Variants in UNC79 observed in about 807,000 individuals in gnomAD.
The protein encoded by UNC79 is unc-79 subunit of NALCN channel complex.
In UNC79, 37 loss-of-function variants were observed where a neutral mutation model predicts 283.1. The ratio of observed to expected loss-of-function variants is 0.13; its 90% confidence interval spans 0.10 to 0.17. UNC79 has a LOEUF of 0.17. UNC79 is among the 10% of genes least tolerant of loss of function. The pLI is 1.00. For missense variants in UNC79, 2,272 were observed against 3,211.1 expected (o/e 0.71, Z 7.07); for synonymous variants, 1,107 against 1,200.2 (o/e 0.92, Z 1.61).
In UNC79 at chr14:93,672,907, C is replaced by T. The variant is rs2073014832; in HGVS notation, c.6637-444C>T. Among the ~76,000 whole-genome samples the T allele has an allele frequency of 4.6e-5, 7 of 152,152 alleles. No individual in the cohort carries two copies. The South Asian group carries it at 1.4e-3, about 31-fold the overall frequency. On this transcript the variant is annotated intron_variant, in intron 40 of 48. Coordinates refer to ENST00000555664, the Ensembl canonical transcript of UNC79. ...AGGGTGGTAGGTGCATACTGTATTCCATTCTCTCCATTTTTCTGGATGCTT... is the reference window on the plus strand; with the variant it reads ...AGGGTGGTAGGTGCATACTGTATTCTATTCTCTCCATTTTTCTGGATGCTT...
chr14:93,558,444 T>A (rs1330657185), intron 14 of UNC79, among the ~76,000 whole-genome samples: 1 of 151,442 alleles, frequency 6.6e-6, no homozygotes, highest in Non-Finnish European at 1.5e-5. Context: ...TAGTCCCAGC[T>A]ACTCAGGAGG....
chr14:93,496,503 C>G (rs748641184), intron 6 of UNC79, 37 bp downstream of exon 6: 1 of 1,431,750 alleles, frequency 7.0e-7, no homozygotes, highest in African/African-American at 1.5e-5. Flanking sequence ...TAGTCACAAA[C>G]TTAATTTGTA....
intron 22 of UNC79, among the ~76,000 whole-genome samples, chr14:93,592,606 G>A (rs148497925): frequency 1.4e-4 from 21 of 152,150 alleles, no homozygotes; most frequent in African/African-American, 4.8e-4. Context: ...AAGTGGACCT[G>A]TACAGTTCAA....
intron 34 of UNC79, 25 bp downstream of exon 37, chr14:93,643,722 T>C (rs2069288038): frequency 1.2e-6 from 2 of 1,610,706 alleles, no homozygotes; most frequent in African/African-American, 2.7e-5. Context: ...CTGTTTTGTT[T>C]GGTAGGAAGG....
intron 33 of UNC79, among the ~76,000 whole-genome samples, chr14:93,643,355 C>G (rs575196137): frequency 1.3e-5 from 2 of 152,128 alleles, no homozygotes; most frequent in Admixed American, 6.5e-5. Context: ...GAGGCACCTT[C>G]GTGGTCTCTA....
chr14:93,480,977 C>T lies in UNC79; in HGVS notation c.619+3249C>T, dbSNP rs75923083. 3.1e-3 allele frequency among the ~76,000 whole-genome samples: 470 copies of T among 152,234 alleles called. 2 individuals are homozygous for T. Among genetic ancestry groups the T allele is most frequent in the Admixed American group, 7.6e-3 (116 of 15,298 alleles). ...CTTTTCAGGTATAAAATGATTCTATCCTTAAGGACCTAGAAGATAAAGTTC... is the reference window on the plus strand; with the variant it reads ...CTTTTCAGGTATAAAATGATTCTATTCTTAAGGACCTAGAAGATAAAGTTC... On this transcript the variant is annotated intron_variant, in intron 4 of 48. Coordinates refer to ENST00000555664, the Ensembl canonical transcript of UNC79.
At chr14:93,519,551 T>G (rs973185660) in intron 7 of UNC79, among the ~76,000 whole-genome samples, 5 of 151,876 alleles carry the variant, frequency 3.3e-5, no homozygotes, top group Non-Finnish European at 1.5e-5. Context: ...TGGTATGAAT[T>G]GAAGCCTATC....
At chr14:93,670,746 G>T (rs1379775194) in intron 40 of UNC79, among the ~76,000 whole-genome samples, 1 of 152,198 alleles carries the variant, frequency 6.6e-6, no homozygotes, top group East Asian at 1.9e-4. Context: ...GGGTGGGGCT[G>T]ATAGCCCCAA....
chr14:93,390,755 ATATAC>A (rs974062460), intron 1 of UNC79, among the ~76,000 whole-genome samples: 1 of 152,180 alleles, frequency 6.6e-6, no homozygotes, highest in African/African-American at 2.4e-5. Flanking sequence ...CTATGAAAAG[ATATAC>A]TATACTTCTA....
intron 1 of UNC79, among the ~76,000 whole-genome samples, chr14:93,338,920 A>C (rs2053640856): frequency 1.3e-5 from 2 of 152,170 alleles, no homozygotes; most frequent in South Asian, 2.1e-4. Flanking sequence ...AACAAACAAA[A>C]AAAACTTCAG....
chr14:93,404,868 G>A (rs913561265), intron 1 of UNC79, among the ~76,000 whole-genome samples: 1 of 151,758 alleles, frequency 6.6e-6, no homozygotes. Flanking sequence ...TATTATATAC[G>A]AAGCCAACTC....
At chr14:93,423,097 G>C (rs1272053467) in intron 1 of UNC79, among the ~76,000 whole-genome samples, 1 of 120,692 alleles carries the variant, frequency 8.3e-6, no homozygotes. Context: ...AAAAAGAAAA[G>C]AAGTCAAGAA....
At chr14:93,584,691 A>AT (rs1197102172) in intron 20 of UNC79, among the ~76,000 whole-genome samples, 1 of 152,040 alleles carries the variant, frequency 6.6e-6, no homozygotes, top group Non-Finnish European at 1.5e-5. Context: ...AAATTAAGCA[A>AT]TTTCTTTTTT....
At chr14:93,533,768 T>A (rs2060937113) in intron 11 of UNC79, among the ~76,000 whole-genome samples, 1 of 152,184 alleles carries the variant, frequency 6.6e-6, no homozygotes, top group African/African-American at 2.4e-5. Flanking sequence ...AGGATCTTTG[T>A]GGTTATTGAA....
At position 93,621,811 on chromosome 14, in the gene UNC79, T is replaced by G. The variant is rs748357979; in HGVS notation, c.4578T>G (p.Cys1526Trp). 1.3e-5 allele frequency: 21 copies of G among 1,613,944 alleles called. No homozygotes were observed. The highest frequency in any genetic ancestry group is 1.7e-5 in the Non-Finnish European group (20 of 1,180,016). The change falls in exon 30 of 49, where the codon TGT (cysteine) becomes TGG (tryptophan). Residue 1526 changes from cysteine (C) to tryptophan (W), a missense_variant. By Grantham distance (215) the Cys-to-Trp change is radical (BLOSUM62 -2). Coordinates refer to ENST00000555664, the Ensembl canonical transcript of UNC79. The surrounding 1 kb of genome is among the most constrained non-coding windows in gnomAD (Gnocchi z 4.8). ...GTAGGAAGTCGTGCATAGATCGGTG[T>G]GACATAGAGAAGCCTCCGACCCAAG...
chr14:93,692,522 AC>A, intron 46 of UNC79, among the ~76,000 whole-genome samples: 1 of 152,312 alleles, frequency 6.6e-6, no homozygotes, highest in East Asian at 1.9e-4. Flanking sequence ...ATTTAGAAAA[AC>A]CTTAGCCAAT....
Position 93,690,213 on chromosome 14 carries a change from C to T in UNC79, c.7182C>T (p.Ser2394=). 6.2e-7 allele frequency: 1 copy of T among 1,614,184 alleles called. No homozygotes were observed. Among genetic ancestry groups the T allele is most frequent in the Non-Finnish European group, 8.5e-7 (1 of 1,180,040 alleles). ...ACAATGCAGTGTGCCCAAATGCCTC[C>T]TCTCCCTGCCTGCCCATTCCTCTGG... is the stretch of plus-strand genomic sequence containing the variant. Residue 2394 remains serine (S), a synonymous_variant, in exon 45 of 49, where the codon TCC becomes TCT. Coordinates refer to ENST00000555664, the Ensembl canonical transcript of UNC79. This position sits in a 1 kb window ranked among gnomAD's most constrained non-coding sequence, Gnocchi z 4.3.
chr14:93,354,702 A>G (rs958702676), intron 1 of UNC79, among the ~76,000 whole-genome samples: 2 of 152,024 alleles, frequency 1.3e-5, no homozygotes, highest in African/African-American at 4.8e-5. Flanking sequence ...GGGTCTTGCT[A>G]TGTTGCCCAG....
At chr14:93,691,157 A>T (rs1478979690) in intron 45 of UNC79, 1 of 157,654 alleles carries the variant, frequency 6.3e-6, no homozygotes, top group African/African-American at 2.4e-5. Context: ...TAACCTCTCT[A>T]TTATTCAGAT....
Sources: gnomAD v4.1 joint callset for allele counts (sites outside exome capture counted in the v4.1 genomes callset) on GRCh38, gnomAD v4.1.1 for gene constraint, Gnocchi (gnomAD v3.1) non-coding constraint, MANE v1.5 for transcripts, NCBI Gene and HGNC (gene_info 2026-07-23, HGNC 2026-07-21) for gene names.